The following AP2B1 variants were observed in gnomAD, a reference collection of about 807,000 sequenced individuals.
The protein encoded by AP2B1 is AP-2 complex subunit beta.
Under a neutral mutation model 102.0 loss-of-function variants are expected in AP2B1, and 23 were observed. That is an observed-to-expected ratio of 0.23 (90% CI 0.16 to 0.32). The LOEUF is 0.32. AP2B1 is among the 10% of genes least tolerant of loss of function. AP2B1 has a pLI of 1.00. For synonymous variants in AP2B1, 381 were observed against 421.2 expected, an observed-to-expected ratio of 0.90 and a Z score of 1.17; for missense variants, 541 against 1,157.4, an observed-to-expected ratio of 0.47 and a Z score of 7.73.
chr17:35,627,165 G>C (rs781053667), intron 7 of AP2B1, among the ~76,000 whole-genome samples: 1 of 150,702 alleles, frequency 6.6e-6, no homozygotes, highest in African/African-American at 2.4e-5. Flanking sequence ...ATGGCAACAT[G>C]TGCCCTGATG....
intron 14 of AP2B1, among the ~76,000 whole-genome samples, chr17:35,670,151 C>G (rs1006931390): frequency 5.3e-5 from 8 of 152,132 alleles, no homozygotes; most frequent in African/African-American, 1.9e-4. Context: ...GCGTAACATC[C>G]TTTTTAAATG....
At chr17:35,662,446 G>A (rs1306292419) in intron 14 of AP2B1, among the ~76,000 whole-genome samples, 1 of 151,516 alleles carries the variant, frequency 6.6e-6, no homozygotes, top group African/African-American at 2.4e-5. Context: ...TACTAGTTAG[G>A]TATAGGCTTG....
chr17:35,667,164 C>G (rs1231433116), intron 14 of AP2B1, among the ~76,000 whole-genome samples: 1 of 152,172 alleles, frequency 6.6e-6, no homozygotes, highest in African/African-American at 2.4e-5. Flanking sequence ...TGACATCTCC[C>G]TATTAGTCAC....
intron 3 of AP2B1, among the ~76,000 whole-genome samples, chr17:35,601,903 G>C (rs1243047330): frequency 6.6e-6 from 1 of 151,272 alleles, no homozygotes; most frequent in Admixed American, 6.6e-5. Flanking sequence ...TCTGTCTCCC[G>C]AGTAGCTGGG....
At chr17:35,609,975 A>T (rs2073806939) in intron 5 of AP2B1, among the ~76,000 whole-genome samples, 1 of 152,088 alleles carries the variant, frequency 6.6e-6, no homozygotes, top group Admixed American at 6.6e-5. Context: ...TTTTTATGGT[A>T]GTAACTACCA....
At chr17:35,671,953 G>C in intron 16 of AP2B1, 53 bp downstream of exon 16, 2 of 1,577,994 alleles carry the variant, frequency 1.3e-6, no homozygotes, top group Non-Finnish European at 1.7e-6. Flanking sequence ...GACCCAAACT[G>C]TTTCACTTTC....
chr17:35,635,712 T>A (rs1202369788), intron 9 of AP2B1, among the ~76,000 whole-genome samples: 2 of 152,102 alleles, frequency 1.3e-5, no homozygotes, highest in African/African-American at 4.8e-5. Flanking sequence ...GTTTTTTGTT[T>A]TGAGACAGAA....
At chr17:35,717,752 G>A (rs587638082) in intron 21 of AP2B1, among the ~76,000 whole-genome samples, 2 of 152,250 alleles carry the variant, frequency 1.3e-5, no homozygotes, top group Non-Finnish European at 2.9e-5. Context: ...CATGACCTAA[G>A]GCTATCAGAG....
At chr17:35,594,701 G>C (rs1226010491) in intron 2 of AP2B1, among the ~76,000 whole-genome samples, 2 of 152,142 alleles carry the variant, frequency 1.3e-5, no homozygotes, top group Non-Finnish European at 2.9e-5. Flanking sequence ...GGAATCTCTA[G>C]AGCCATCTAT....
intron 18 of AP2B1, among the ~76,000 whole-genome samples, chr17:35,703,015 G>A (rs2076267178): frequency 6.6e-6 from 1 of 152,128 alleles, no homozygotes; most frequent in South Asian, 2.1e-4. Flanking sequence ...GCTCACGCCT[G>A]TAATCCCAGC....
chr17:35,676,935 G>A (rs1322165818), intron 17 of AP2B1, among the ~76,000 whole-genome samples: 2 of 151,818 alleles, frequency 1.3e-5, no homozygotes, highest in Non-Finnish European at 2.9e-5. Context: ...TTTTTTCCCA[G>A]TCCATGGCTT....
chr17:35,594,710 A>G (rs947151250), intron 2 of AP2B1, among the ~76,000 whole-genome samples: 4 of 152,198 alleles, frequency 2.6e-5, no homozygotes, highest in Admixed American at 2.0e-4. Context: ...AGAGCCATCT[A>G]TGGTTTTTAG....
chr17:35,613,535 A>C (rs2073928193), intron 5 of AP2B1, among the ~76,000 whole-genome samples: 2 of 152,222 alleles, frequency 1.3e-5, no homozygotes, highest in Non-Finnish European at 2.9e-5. Context: ...AGAAGTAAAA[A>C]AATCTCACTC....
chr17:35,605,711 C>G lies in AP2B1; in HGVS notation c.150C>G (p.Leu50=), dbSNP rs927723439. ...AMTVGKDVSS[L]FPDVVNCMQT... ...TTTTACCCTCTCTTCTCAGTTCTCT[C>G]TTTCCAGACGTAGTGAACTGTATGC... Residue 50 remains leucine, a synonymous_variant, in exon 4 of 22, where the codon CTC becomes CTG. Coordinates refer to ENST00000610402, the MANE Select transcript of AP2B1 (RefSeq NM_001030006.2). The G allele has an allele frequency of 1.2e-6, 2 of 1,609,302 alleles. No homozygotes were observed. The highest frequency in any genetic ancestry group is 2.7e-5 in the African/African-American group (2 of 74,726).
At chr17:35,599,359 A>G (rs760273685) in intron 3 of AP2B1, among the ~76,000 whole-genome samples, 28 of 152,234 alleles carry the variant, frequency 1.8e-4, no homozygotes, top group Non-Finnish European at 2.9e-5. Flanking sequence ...AAAAAAATTG[A>G]CAATGGATAC....
chr17:35,671,667 A>G, intron 15 of AP2B1, 87 bp from the exon 16 acceptor site: 2 of 1,344,310 alleles, frequency 1.5e-6, no homozygotes, highest in East Asian at 2.3e-5. Flanking sequence ...TTGATTTATC[A>G]AAACTACTAA....
rs2085500802 is a variant in AP2B1, at chr17:35,725,307, T to G, written c.*1608T>G. The G allele has an allele frequency of 6.6e-6, 1 of 152,168 alleles. No homozygotes were observed. The highest frequency in any genetic ancestry group is 1.5e-5 in the Non-Finnish European group (1 of 68,062). The allele number at this position is 152,168 out of a possible 1,614,324, so 9.4% of individuals were successfully genotyped here. ...ATTCAGGGTCCATGACTAAGACTGG[T>G]CTTCTCAGATGCCCTGCTTAAATCA... On this transcript the variant is annotated 3_prime_UTR_variant, in exon 22 of 22. Coordinates refer to ENST00000610402, the MANE Select transcript of AP2B1 (RefSeq NM_001030006.2).
At chr17:35,672,972 CT>C in intron 16 of AP2B1, among the ~76,000 whole-genome samples, 1 of 152,258 alleles carries the variant, frequency 6.6e-6, no homozygotes, top group Admixed American at 6.5e-5. Context: ...GTGGGATATA[CT>C]ATTTTGCACC....
chr17:35,614,936 C>T (rs2073971855), intron 5 of AP2B1, among the ~76,000 whole-genome samples: 1 of 152,180 alleles, frequency 6.6e-6, no homozygotes. Context: ...AGTGATTCTA[C>T]TCTCCAGAGG....
Sources: allele counts gnomAD v4.1 joint callset (sites outside exome capture counted in the v4.1 genomes callset), GRCh38; gene constraint gnomAD v4.1.1; transcripts MANE v1.5; gene names NCBI Gene and HGNC (gene_info 2026-07-23, HGNC 2026-07-21).